SOCS6: variants seen among roughly 807,000 people sequenced by gnomAD.
SOCS6 encodes STAT induced STAT inhibitor-4.
In SOCS6, 5 loss-of-function variants were observed where a neutral mutation model predicts 27.7. That is an observed-to-expected ratio of 0.18 (90% CI 0.09 to 0.38). The LOEUF (loss-of-function observed/expected upper bound fraction) is 0.38, where lower values mean the gene tolerates loss of function less well. Ranked by LOEUF, SOCS6 falls within the 10% of genes least tolerant of loss-of-function variation. The probability of loss-of-function intolerance (pLI) is 1.00; values close to 1 mark genes in which losing one functional copy is unlikely to be tolerated. For synonymous variants in SOCS6, 271 were observed against 260.0 expected (o/e 1.04, Z -0.41); for missense variants, 595 against 688.1 (o/e 0.86, Z 1.51).
In SOCS6 at chr18:70,290,817, C is replaced by G. The variant is rs191492219; in HGVS notation, c.-127+1727C>G. Reference sequence around the variant, plus strand: ...AACACTGTTTCTCTCTTACCTTTATCGTTATCTTCTAAATTACCCTCTAAA... The same window carrying G: ...AACACTGTTTCTCTCTTACCTTTATGGTTATCTTCTAAATTACCCTCTAAA... On this transcript the variant is annotated intron_variant, in intron 1 of 1. Coordinates refer to ENST00000397942, the MANE Select transcript of SOCS6 (RefSeq NM_004232.4). 1.5e-4 allele frequency among the ~76,000 whole-genome samples: 23 copies of G among 152,310 alleles called. No homozygotes were observed. The East Asian group carries it at 3.9e-3, about 26-fold the overall frequency.
At chr18:70,292,366 A>G (rs796172700) in intron 1 of SOCS6, among the ~76,000 whole-genome samples, 55 of 152,254 alleles carry the variant, frequency 3.6e-4, no homozygotes, top group African/African-American at 1.0e-3. Flanking sequence ...TGAAATGGGG[A>G]TCTCGCTCTG....
At chr18:70,315,097 T>G (rs561181657) in intron 1 of SOCS6, among the ~76,000 whole-genome samples, 1 of 152,278 alleles carries the variant, frequency 6.6e-6, no homozygotes, top group African/African-American at 2.4e-5. Flanking sequence ...CCACTCCCAA[T>G]GTTTGCTGGT....
intron 1 of SOCS6, among the ~76,000 whole-genome samples, chr18:70,307,406 AAG>A (rs1421692595): frequency 6.6e-6 from 1 of 152,186 alleles, no homozygotes; most frequent in Non-Finnish European, 1.5e-5. Flanking sequence ...TGTTAGCTGA[AAG>A]AGTTTGTGAA....
chr18:70,296,318 A>G (rs1265537650), intron 1 of SOCS6, among the ~76,000 whole-genome samples: 1 of 152,222 alleles, frequency 6.6e-6, no homozygotes, highest in Non-Finnish European at 1.5e-5. Flanking sequence ...GTGACAAATT[A>G]ACTCTGAAAT....
intron 1 of SOCS6, among the ~76,000 whole-genome samples, chr18:70,307,564 A>G (rs890868535): frequency 1.3e-5 from 2 of 152,206 alleles, no homozygotes; most frequent in African/African-American, 4.8e-5. Flanking sequence ...CTTTTGAGTC[A>G]GATTTGGTAA....
At chr18:70,309,685 T>C (rs2062382652) in intron 1 of SOCS6, among the ~76,000 whole-genome samples, 1 of 152,128 alleles carries the variant, frequency 6.6e-6, no homozygotes, top group Non-Finnish European at 1.5e-5. Context: ...ATGCCTTTAT[T>C]TTTATTTTTA....
At chr18:70,297,029 C>T (rs1336280533) in intron 1 of SOCS6, among the ~76,000 whole-genome samples, 1 of 143,056 alleles carries the variant, frequency 7.0e-6, no homozygotes, top group African/African-American at 2.6e-5. Flanking sequence ...TGTTGTTGTT[C>T]TTTGGAGGGG....
chr18:70,290,138 C>T lies in SOCS6; in HGVS notation c.-127+1048C>T, dbSNP rs78649456. ...CCCGGATAAGGCAGCATGCACTGTG[C>T]ATGAGGACAGAGAACACAGTAATGA... is the stretch of plus-strand genomic sequence containing the variant. On this transcript the variant is annotated intron_variant, in intron 1 of 1. Coordinates refer to ENST00000397942, the MANE Select transcript of SOCS6 (RefSeq NM_004232.4). Among the ~76,000 whole-genome samples the T allele has an allele frequency of 1.5e-3, 222 of 152,298 alleles. 2 individuals carry two copies. Among genetic ancestry groups the T allele is most frequent in the Non-Finnish European group, 1.6e-3 (111 of 68,024 alleles).
At chr18:70,300,294 T>TA (rs2062342669) in intron 1 of SOCS6, among the ~76,000 whole-genome samples, 1 of 151,966 alleles carries the variant, frequency 6.6e-6, no homozygotes, top group Non-Finnish European at 1.5e-5. Context: ...ACCTGGTTAG[T>TA]TTTTGTATTT....
chr18:70,326,358 A>G lies in SOCS6; in HGVS notation c.*82A>G. 1 of 1,217,714 alleles carries G rather than the reference A, an allele frequency of 8.2e-7. No homozygotes were observed. Among genetic ancestry groups the G allele is most frequent in the Non-Finnish European group, 1.2e-6 (1 of 864,164 alleles). 75.4% of individuals were successfully genotyped at this position (1,217,714 alleles called of 1,614,324 possible). On this transcript the variant is annotated 3_prime_UTR_variant, in exon 2 of 2. Coordinates refer to ENST00000397942, the MANE Select transcript of SOCS6 (RefSeq NM_004232.4). ...AGTTTACAAACTTTCATTGCCATCA[A>G]AATCTTTTGCTGCCATAACTATTTC... is the stretch of plus-strand genomic sequence containing the variant.
intron 1 of SOCS6, among the ~76,000 whole-genome samples, 186 bp downstream of exon 1, chr18:70,289,276 C>T (rs1359485007): frequency 2.0e-5 from 3 of 149,314 alleles, no homozygotes; most frequent in Non-Finnish European, 4.5e-5. Context: ...GCGCGAGGCC[C>T]TGCGCCGTCT....
At chr18:70,296,535 A>G (rs11664703) in intron 1 of SOCS6, 70,030 of 152,106 alleles carry the variant, frequency 0.46, 16,799 homozygotes, top group East Asian at 0.76. Flanking sequence ...TTCCAGACGC[A>G]TGCAAGGGCA....
intron 1 of SOCS6, among the ~76,000 whole-genome samples, chr18:70,293,683 G>A (rs986729637): frequency 2.6e-5 from 4 of 151,804 alleles, no homozygotes; most frequent in African/African-American, 7.3e-5. Context: ...GCAGATCTAG[G>A]TTTGAATTTC....
rs910138065 is a variant in SOCS6, at chr18:70,290,289, G to A, written c.-127+1199G>A. On this transcript the variant is annotated intron_variant, in intron 1 of 1. Transcript: ENST00000397942. ...CGTTCTACTTCAAGATAAAATATCTGACATCTTCTCAACCACTGAAGGTAG... is the reference window on the plus strand; with the variant it reads ...CGTTCTACTTCAAGATAAAATATCTAACATCTTCTCAACCACTGAAGGTAG... Among the ~76,000 whole-genome samples the A allele has an allele frequency of 3.9e-5, 6 of 152,176 alleles. No homozygotes were observed. In the South Asian group the frequency reaches 1.0e-3, roughly 26 times the overall value.
At chr18:70,298,698 A>G in intron 1 of SOCS6, among the ~76,000 whole-genome samples, 1 of 152,320 alleles carries the variant, frequency 6.6e-6, no homozygotes, top group East Asian at 1.9e-4. Flanking sequence ...AGATACCTAT[A>G]TTAATTTGTT....
At chr18:70,293,222 A>G (rs556229662) in intron 1 of SOCS6, among the ~76,000 whole-genome samples, 4 of 152,280 alleles carry the variant, frequency 2.6e-5, no homozygotes, top group South Asian at 2.1e-4. Context: ...TGCTGTGTAC[A>G]TGTTAGAAAG....
At chr18:70,311,059 G>T (rs1021592569) in intron 1 of SOCS6, among the ~76,000 whole-genome samples, 27 of 152,186 alleles carry the variant, frequency 1.8e-4, no homozygotes, top group African/African-American at 6.5e-4. Context: ...AGAAGTAGCA[G>T]CCTTAATGTT....
chr18:70,304,248 A>G (rs2146271380), intron 1 of SOCS6, among the ~76,000 whole-genome samples: 1 of 152,332 alleles, frequency 6.6e-6, no homozygotes, highest in African/African-American at 2.4e-5. Context: ...GAAAAAGAAA[A>G]GACACAGGAT....
intron 1 of SOCS6, among the ~76,000 whole-genome samples, chr18:70,295,335 C>T (rs1438272178): frequency 6.6e-6 from 1 of 152,190 alleles, no homozygotes; most frequent in African/African-American, 2.4e-5. Context: ...GTGGCACTTA[C>T]AGTGATTTTT....
Sources: allele counts gnomAD v4.1 joint callset (sites outside exome capture counted in the v4.1 genomes callset), GRCh38; gene constraint gnomAD v4.1.1; transcripts MANE v1.5; gene names NCBI Gene and HGNC (gene_info 2026-07-23, HGNC 2026-07-21).